Variants in PTPRD observed in about 807,000 individuals in gnomAD.
PTPRD encodes the protein receptor-type tyrosine-protein phosphatase delta.
Under a neutral mutation model 214.5 loss-of-function variants are expected in PTPRD, and 34 were observed. The observed-to-expected ratio is 0.16, with a 90% CI of 0.12 to 0.21. PTPRD has a LOEUF of 0.21. Among genes scored for constraint, PTPRD ranks in the 10% least tolerant of loss-of-function variants. PTPRD has a pLI of 1.00. For missense variants in PTPRD, 2,545 were observed against 2,398.7 expected, an observed-to-expected ratio of 1.06 and a Z score of -1.27; for synonymous variants, 1,128 against 845.7, an observed-to-expected ratio of 1.33 and a Z score of -5.79.
intron 31 of PTPRD, among the ~76,000 whole-genome samples, 181 bp from the exon 32 acceptor site, chr9:8,465,856 C>T (rs940647063): frequency 1.3e-5 from 2 of 151,832 alleles, no homozygotes; most frequent in African/African-American, 4.8e-5. Context: ...GCTTCTCTTC[C>T]TGTTAAGGTA....
chr9:9,563,489 G>T (rs1031819977), intron 8 of PTPRD, among the ~76,000 whole-genome samples: 10 of 152,092 alleles, frequency 6.6e-5, no homozygotes, highest in Admixed American at 6.6e-4. Flanking sequence ...AAGAAATATG[G>T]TGGTAGATTC....
intron 9 of PTPRD, among the ~76,000 whole-genome samples, chr9:9,319,094 C>T (rs1280066498): frequency 1.3e-5 from 2 of 152,322 alleles, no homozygotes; most frequent in East Asian, 3.9e-4. Flanking sequence ...ATTGATTTAT[C>T]ACTTTTTAAA....
chr9:9,876,913 T>C (rs1565943121), intron 5 of PTPRD, among the ~76,000 whole-genome samples: 1 of 152,170 alleles, frequency 6.6e-6, no homozygotes, highest in Non-Finnish European at 1.5e-5. Context: ...TCACATCAAA[T>C]ACATTATTTA....
At chr9:9,743,359 C>T (rs2098423779) in intron 6 of PTPRD, among the ~76,000 whole-genome samples, 1 of 152,086 alleles carries the variant, frequency 6.6e-6, no homozygotes, top group Non-Finnish European at 1.5e-5. Flanking sequence ...GGATAATTTG[C>T]CTAACCTTCA....
At chr9:9,836,389 T>C (rs2153620359) in intron 5 of PTPRD, among the ~76,000 whole-genome samples, 1 of 152,258 alleles carries the variant, frequency 6.6e-6, no homozygotes, top group East Asian at 1.9e-4. Flanking sequence ...ATGGGACTGC[T>C]GAATGGGCTC....
At chr9:8,384,620 C>T (rs764239560) in intron 37 of PTPRD, among the ~76,000 whole-genome samples, 2 of 152,184 alleles carry the variant, frequency 1.3e-5, no homozygotes, top group Middle Eastern at 3.4e-3. Flanking sequence ...CTCTGTCTCC[C>T]GGGTCAAGCG....
chr9:9,925,996 T>G (rs117464269), intron 5 of PTPRD, among the ~76,000 whole-genome samples: 1 of 151,484 alleles, frequency 6.6e-6, no homozygotes, highest in East Asian at 1.9e-4. Context: ...GCCTAGAAAA[T>G]TTTTTTTAAG....
At chr9:8,703,393 T>C (rs2098132673) in intron 12 of PTPRD, among the ~76,000 whole-genome samples, 1 of 152,310 alleles carries the variant, frequency 6.6e-6, no homozygotes, top group South Asian at 2.1e-4. Flanking sequence ...TAAAAATTAT[T>C]CCTCTTTACC....
chr9:10,611,638 T>C (rs1042166089), intron 2 of PTPRD, among the ~76,000 whole-genome samples: 1 of 152,202 alleles, frequency 6.6e-6, no homozygotes, highest in Non-Finnish European at 1.5e-5. Flanking sequence ...GATGCAGAGA[T>C]ATTCAGCCTT....
In PTPRD at chr9:8,557,217, T is replaced by C. The variant is rs796330547; in HGVS notation, c.353-28438A>G. Among the ~76,000 whole-genome samples the C allele has an allele frequency of 2.9e-4, 44 of 151,980 alleles. 2 individuals carry two copies. The highest frequency in any genetic ancestry group is 1.4e-3 in the East Asian group (7 of 5,142). ...GAACCACTCTGGCGCCATGAATACA[T>C]TGAAGATTACTCAGTGGTCTTGACA... On this transcript the variant is annotated intron_variant, in intron 14 of 45. Transcript: ENST00000381196.
At chr9:9,665,851 G>A (rs562765419) in intron 7 of PTPRD, among the ~76,000 whole-genome samples, 1 of 151,946 alleles carries the variant, frequency 6.6e-6, no homozygotes, top group Admixed American at 6.6e-5. Flanking sequence ...ACATTTCTGA[G>A]AATTTAATTG....
chr9:10,222,019 G>A (rs1205519410), intron 3 of PTPRD, among the ~76,000 whole-genome samples: 1 of 151,440 alleles, frequency 6.6e-6, no homozygotes, highest in East Asian at 1.9e-4. Context: ...AAAACTGTGA[G>A]AAAAAAAATG....
intron 2 of PTPRD, among the ~76,000 whole-genome samples, chr9:10,579,052 T>C (rs2070709254): frequency 6.6e-6 from 1 of 152,048 alleles, no homozygotes; most frequent in Non-Finnish European, 1.5e-5. Flanking sequence ...TAGGTATTTA[T>C]CCTAATGCTC....
chr9:9,290,371 C>T (rs1488611766), intron 9 of PTPRD, among the ~76,000 whole-genome samples: 2 of 151,576 alleles, frequency 1.3e-5, no homozygotes, highest in Non-Finnish European at 3.0e-5. Flanking sequence ...TTGTCATATA[C>T]AAGGTTTGCA....
chr9:9,390,909 G>A (rs1269539625), intron 9 of PTPRD, among the ~76,000 whole-genome samples: 1 of 152,112 alleles, frequency 6.6e-6, no homozygotes, highest in Admixed American at 6.6e-5. Flanking sequence ...TCACAGGCAA[G>A]TGTTTGTTGT....
intron 3 of PTPRD, among the ~76,000 whole-genome samples, chr9:10,295,404 T>C (rs1010163288): frequency 4.6e-5 from 7 of 152,076 alleles, no homozygotes; most frequent in African/African-American, 1.4e-4. Context: ...TTACCAAGAA[T>C]ATCAACTACC....
intron 8 of PTPRD, among the ~76,000 whole-genome samples, chr9:9,483,408 G>C (rs981421066): frequency 6.6e-6 from 1 of 152,144 alleles, no homozygotes; most frequent in Non-Finnish European, 1.5e-5. Flanking sequence ...AAACAAGGGA[G>C]TCAATGGATT....
At chr9:8,842,546 ACT>A (rs2097579171) in intron 11 of PTPRD, among the ~76,000 whole-genome samples, 1 of 151,976 alleles carries the variant, frequency 6.6e-6, no homozygotes, top group Admixed American at 6.6e-5. Context: ...CTTATACTTA[ACT>A]CTCACCTAGT....
chr9:8,600,386 C>T (rs993437635), intron 14 of PTPRD, among the ~76,000 whole-genome samples: 5 of 152,040 alleles, frequency 3.3e-5, no homozygotes, highest in Non-Finnish European at 7.4e-5. Context: ...GGGCTCACGG[C>T]CAGTGGACTG....
Sources: gnomAD v4.1 joint callset for allele counts (sites outside exome capture counted in the v4.1 genomes callset) on GRCh38, gnomAD v4.1.1 for gene constraint, MANE v1.5 for transcripts, NCBI Gene and HGNC (gene_info 2026-07-23, HGNC 2026-07-21) for gene names.